AZIN1: variants seen among roughly 807,000 people sequenced by gnomAD.
AZIN1 encodes the protein ornithine decarboxylase antizyme inhibitor.
A neutral mutation model predicts 47.4 loss-of-function variants in AZIN1; 12 were observed. The observed-to-expected ratio is 0.25, with a 90% CI of 0.16 to 0.41. The LOEUF is 0.41. Ranked by LOEUF, AZIN1 falls within the 10% of genes least tolerant of loss-of-function variation. The probability of loss-of-function intolerance (pLI) is 1.00; values close to 1 mark genes in which losing one functional copy is unlikely to be tolerated. For synonymous variants in AZIN1, 155 were observed against 176.3 expected (o/e 0.88, Z 0.96); for missense variants, 410 against 532.4 (o/e 0.77, Z 2.26).
At chr8:102,836,747 T>C (rs1022583866) in intron 5 of AZIN1, among the ~76,000 whole-genome samples, 8 of 152,192 alleles carry the variant, frequency 5.3e-5, no homozygotes, top group Non-Finnish European at 1.0e-4. Flanking sequence ...GCCATCATTG[T>C]CTTTCAATAA....
chr8:102,829,620 C>A lies in AZIN1; in HGVS notation c.1021-134G>T. The A allele has an allele frequency of 6.7e-6, 6 of 899,650 alleles. No individual in the cohort carries two copies. The South Asian group carries it at 8.3e-5, about 12-fold the overall frequency. The allele number at this position is 899,650 out of a possible 1,614,324, so 55.7% of individuals were successfully genotyped here. On this transcript the variant is annotated intron_variant, in intron 10 of 11. Coordinates refer to ENST00000337198, the MANE Select transcript of AZIN1 (RefSeq NM_148174.4). ...AAGGCCTAGAGCCAAGGGCAGGGTG[C>A]TACTTAAGCCTCGATGGTACCATTA... is the stretch of plus-strand genomic sequence containing the variant.
At chr8:102,842,480 C>T (rs777117783) in intron 3 of AZIN1, among the ~76,000 whole-genome samples, 10 of 151,682 alleles carry the variant, frequency 6.6e-5, no homozygotes, top group Middle Eastern at 3.4e-3. Context: ...CCAAGGTGGG[C>T]GGATCACCTC....
intron 5 of AZIN1, 28 bp downstream of exon 5, chr8:102,838,716 A>G (rs747740829): frequency 6.3e-7 from 1 of 1,583,756 alleles, no homozygotes; most frequent in Non-Finnish European, 8.6e-7. Flanking sequence ...GCTAAATAAT[A>G]TTTTCAAGTA....
chr8:102,850,677 A>C (rs1168739433), intron 2 of AZIN1, among the ~76,000 whole-genome samples: 1 of 152,222 alleles, frequency 6.6e-6, no homozygotes, highest in Non-Finnish European at 1.5e-5. Context: ...GCCTACATTG[A>C]GTACTCAGGA....
chr8:102,859,802 C>T (rs181144918), intron 1 of AZIN1, among the ~76,000 whole-genome samples: 52 of 152,284 alleles, frequency 3.4e-4, no homozygotes, highest in Non-Finnish European at 5.6e-4. Context: ...TGCCACTGTA[C>T]TCCAGCCCAG....
intron 2 of AZIN1, among the ~76,000 whole-genome samples, chr8:102,857,628 ATCTC>A (rs1487504085): frequency 1.3e-5 from 2 of 152,074 alleles, no homozygotes; most frequent in South Asian, 2.1e-4. Context: ...ATCTCTATCT[ATCTC>A]TATCATCTTT....
At chr8:102,848,633 G>A (rs1056084565) in intron 2 of AZIN1, among the ~76,000 whole-genome samples, 3 of 152,160 alleles carry the variant, frequency 2.0e-5, no homozygotes, top group African/African-American at 7.2e-5. Flanking sequence ...GGACAAGTAG[G>A]TGGGTGAGGT....
intron 3 of AZIN1, 37 bp downstream of exon 3, chr8:102,843,513 GA>G: frequency 6.4e-7 from 1 of 1,554,812 alleles, no homozygotes; most frequent in African/African-American, 1.4e-5. Context: ...TCAGAGCTTG[GA>G]AAATGACAAA....
intron 2 of AZIN1, 77 bp from the exon 3 acceptor site, chr8:102,843,824 G>T (rs1020021374): frequency 9.7e-7 from 1 of 1,031,278 alleles, no homozygotes; most frequent in African/African-American, 1.7e-5. Context: ...AGTGTGCTAA[G>T]TGCCTAATTT....
Position 102,828,648 on chromosome 8 carries a change from T to C in AZIN1, c.1266A>G (p.Ser422=). Residue 422 remains serine (S), a synonymous_variant, in exon 12 of 12, where the codon TCA becomes TCG. Transcript: ENST00000337198. ...AGAAGAAGTTCTTCATCATTGAGTCTGAAGTAATTCCAGCATCTTGCATCT... is the reference window on the plus strand; with the variant it reads ...AGAAGAAGTTCTTCATCATTGAGTCCGAAGTAATTCCAGCATCTTGCATCT... ...WYEMQDAGIT[S]DSMMKNFFFV... The C allele has an allele frequency of 6.2e-7, 1 of 1,610,264 alleles. No homozygotes were observed. Among genetic ancestry groups the C allele is most frequent in the Non-Finnish European group, 8.5e-7 (1 of 1,177,130 alleles).
intron 9 of AZIN1, 185 bp from the exon 10 acceptor site, chr8:102,830,121 C>T (rs1186212239): frequency 8.0e-6 from 4 of 498,476 alleles, no homozygotes; most frequent in East Asian, 3.6e-5. Flanking sequence ...TGCGGTGGCT[C>T]ATACCTGTAA....
At chr8:102,845,892 T>C (rs879481887) in intron 2 of AZIN1, among the ~76,000 whole-genome samples, 7 of 152,186 alleles carry the variant, frequency 4.6e-5, no homozygotes, top group African/African-American at 7.2e-5. Context: ...AAGTAAGAGG[T>C]AAAACGAAAC....
Position 102,826,695 on chromosome 8 carries a change from A to C in AZIN1, c.*1872T>G, listed in dbSNP as rs1811130124. The C allele has an allele frequency of 6.6e-6, 1 of 152,640 alleles. No individual in the cohort carries two copies. The highest frequency in any genetic ancestry group is 6.5e-5 in the Admixed American group (1 of 15,284). The allele number at this position is 152,640 out of a possible 1,614,324, so 9.5% of individuals were successfully genotyped here. On this transcript the variant is annotated 3_prime_UTR_variant, in exon 12 of 12. Transcript: ENST00000337198. ...ATATGGCAAAGTTGATATGCCATGAAGTTCAAGGCCTGTATAGTCAAGCCA... is the reference window on the plus strand; with the variant it reads ...ATATGGCAAAGTTGATATGCCATGACGTTCAAGGCCTGTATAGTCAAGCCA...
chr8:102,854,037 G>A (rs1336218238), intron 2 of AZIN1, among the ~76,000 whole-genome samples: 3 of 151,962 alleles, frequency 2.0e-5, no homozygotes, highest in Non-Finnish European at 4.4e-5. Context: ...CGCCTCCCGG[G>A]TTCAAGCAGG....
intron 2 of AZIN1, 147 bp from the exon 3 acceptor site, chr8:102,843,894 C>A (rs1399551416): frequency 1.7e-6 from 1 of 584,442 alleles, no homozygotes; most frequent in Non-Finnish European, 2.7e-6. Context: ...TTTCCTTTAA[C>A]GCCCATTTAA....
chr8:102,838,830 C>T lies in AZIN1; in HGVS notation c.363G>A (p.Lys121=), dbSNP rs1400970932. 6.2e-7 allele frequency: 1 copy of T among 1,613,954 alleles called. No homozygotes were observed. The highest frequency in any genetic ancestry group is 1.7e-5 in the Admixed American group (1 of 60,008). Residue 121 remains lysine, a synonymous_variant, in exon 5 of 12, where the codon AAG becomes AAA. Coordinates refer to ENST00000337198, the MANE Select transcript of AZIN1 (RefSeq NM_148174.4). ...TATTCACTCCAACTTTTGCTGCATACTTTATCTGAGACACTTGCTTGCAAG... is the reference window on the plus strand; with the variant it reads ...TATTCACTCCAACTTTTGCTGCATATTTTATCTGAGACACTTGCTTGCAAG... ...ISPCKQVSQI[K]YAAKVGVNIL... is the part of the protein sequence containing the mutation.
chr8:102,841,572 A>G (rs983176928), intron 3 of AZIN1, among the ~76,000 whole-genome samples: 6 of 152,172 alleles, frequency 3.9e-5, no homozygotes, highest in Non-Finnish European at 7.3e-5. Context: ...TTCATGACCA[A>G]TATGTCAAGT....
Position 102,839,773 on chromosome 8 carries a change from T to A in AZIN1, c.153A>T (p.Lys51Asn). 1 of 1,605,434 alleles carries A rather than the reference T, an allele frequency of 6.2e-7. No homozygotes were observed. The highest frequency in any genetic ancestry group is 8.5e-7 in the Non-Finnish European group (1 of 1,175,354). The change falls in exon 4 of 12, where the codon AAA becomes AAT. Residue 51 changes from lysine (K) to asparagine (N), a missense_variant. By Grantham distance (94) the Lys-to-Asn change is moderately conservative. Coordinates refer to ENST00000337198, the MANE Select transcript of AZIN1 (RefSeq NM_148174.4). ...CCACTACATTCTGCCATTGACTGTG[T>A]TTCTTCACAATCTTTCCAAGATCTC... The part of the protein sequence containing the change: ...FVGDLGKIVK[K>N]HSQWQNVVAQ...
intron 2 of AZIN1, among the ~76,000 whole-genome samples, chr8:102,848,370 A>AAACAC (rs1812719253): frequency 6.6e-6 from 1 of 151,494 alleles, no homozygotes. Flanking sequence ...AGAATCTGTA[A>AAACAC]AACACAAACA....
Sources: allele counts gnomAD v4.1 joint callset (sites outside exome capture counted in the v4.1 genomes callset), GRCh38; gene constraint gnomAD v4.1.1; transcripts MANE v1.5; gene names NCBI Gene and HGNC (gene_info 2026-07-23, HGNC 2026-07-21).